The following TMEM263 variants were observed in gnomAD, a reference collection of about 807,000 sequenced individuals.
The protein encoded by TMEM263 is transmembrane protein 263.
TMEM263 carries 5 observed loss-of-function variants against 8.6 expected under a neutral mutation model. That is an observed-to-expected ratio of 0.58 (90% CI 0.31 to 1.23). The LOEUF (loss-of-function observed/expected upper bound fraction) is 1.23, where lower values mean the gene tolerates loss of function less well. TMEM263 is among the 50% of genes most tolerant of loss of function. The pLI is 0.07. For synonymous variants in TMEM263, 50 were observed against 47.9 expected (o/e 1.04, Z -0.18); for missense variants, 104 against 138.8 (o/e 0.75, Z 1.26).
intron 2 of TMEM263, among the ~76,000 whole-genome samples, chr12:106,962,189 T>C (rs1025638474): frequency 1.9e-4 from 29 of 152,306 alleles, no homozygotes; most frequent in African/African-American, 6.3e-4. Flanking sequence ...TGCATGTGTA[T>C]GTAAAATGTA....
At position 106,973,005 on chromosome 12, in the gene TMEM263, A is replaced by C. The variant is rs1475196159; in HGVS notation, c.*1614A>C. On this transcript the variant is annotated 3_prime_UTR_variant, in exon 4 of 4. Coordinates refer to ENST00000280756, the MANE Select transcript of TMEM263 (RefSeq NM_152261.4). ...TTATAAAATACTTGAGAATTACATT[A>C]ATGTGGAATCAACAGATGCAGAAGA... 1 of 152,034 alleles carries C rather than the reference A, an allele frequency of 6.6e-6. No individual in the cohort carries two copies. The highest frequency in any genetic ancestry group is 2.4e-5 in the African/African-American group (1 of 41,430). 9.4% of individuals were successfully genotyped at this position (152,034 alleles called of 1,614,324 possible).
intron 1 of TMEM263, 73 bp from the exon 2 acceptor site, chr12:106,957,009 C>A: frequency 1.1e-6 from 1 of 904,772 alleles, no homozygotes; most frequent in Non-Finnish European, 1.3e-6. Context: ...TTTTTGCGTC[C>A]TTGTGAACAC....
rs189113034 is a variant in TMEM263 at position 106,971,479 on chromosome 12, T to C, written c.*88T>C. 51 of 1,366,714 alleles carry C rather than the reference T, an allele frequency of 3.7e-5. No individual in the cohort carries two copies. The highest frequency in any genetic ancestry group is 4.9e-5 in the Non-Finnish European group (50 of 1,013,308). The allele number at this position is 1,366,714 out of a possible 1,614,324, so 84.7% of individuals were successfully genotyped here. On this transcript the variant is annotated 3_prime_UTR_variant, in exon 4 of 4. Transcript: ENST00000280756. ...ATGGACTACAACCAAGTCAACTGTT[T>C]TGGACGTTTATCTTCTAAACTGCTG...
chr12:106,957,150 G>A lies in TMEM263; in HGVS notation c.-7+1G>A. 2 of 985,364 alleles carry A rather than the reference G, an allele frequency of 2.0e-6. No homozygotes were observed. The highest frequency in any genetic ancestry group is 2.4e-6 in the Non-Finnish European group (2 of 830,296). 61.0% of individuals were successfully genotyped at this position (985,364 alleles called of 1,614,324 possible). ...AGGAATATCGATACAACACCAACAG[G>A]TAAACGCGCGCGCCCGTGTGTGTGT... is the stretch of plus-strand genomic sequence containing the variant. On this transcript the variant is annotated splice_donor_variant, in intron 2 of 3. Transcript: ENST00000280756. LOFTEE classifies it low-confidence loss of function (5UTR_SPLICE).
In TMEM263 at chr12:106,957,070, G is replaced by C; in HGVS notation, c.-74-12G>C. ...TGCTATATGTGATTATTTGCTGTATGCTATTGTTTAGCCTTTGAAACTTCT... is the reference window on the plus strand; with the variant it reads ...TGCTATATGTGATTATTTGCTGTATCCTATTGTTTAGCCTTTGAAACTTCT... On this transcript the variant is annotated splice_polypyrimidine_tract_variant and intron_variant, in intron 1 of 3. Transcript: ENST00000280756. The C allele has an allele frequency of 1.0e-6, 1 of 984,816 alleles. No homozygotes were observed. The highest frequency in any genetic ancestry group is 1.2e-6 in the Non-Finnish European group (1 of 829,424). 61.0% of individuals were successfully genotyped at this position (984,816 alleles called of 1,614,324 possible). A position where few individuals can be genotyped will look rare whatever the true frequency, so the allele number is the denominator to read the frequency against.
In TMEM263 at chr12:106,957,165, CGTGTGTGTGTGTGTGTGTGTGTGTGTGT is replaced by C. The variant is rs55948879; in HGVS notation, c.-7+35_-7+62del. 8 of 849,772 alleles carry C rather than the reference CGTGTGTGTGTGTGTGTGTGTGTGTGTGT, an allele frequency of 9.4e-6. No homozygotes were observed. The highest frequency in any genetic ancestry group is 1.1e-4 in the South Asian group (2 of 18,834). 52.6% of individuals were successfully genotyped at this position (849,772 alleles called of 1,614,324 possible). On this transcript the variant is annotated intron_variant, in intron 2 of 3. Transcript: ENST00000280756. Reference sequence around the variant, plus strand: ...ACACCAACAGGTAAACGCGCGCGCCCGTGTGTGTGTGTGTGTGTGTGTGTGTGTGTGTGTGTGTGTGTGTGTATGTGTG... The same window carrying C: ...ACACCAACAGGTAAACGCGCGCGCCCGTGTGTGTGTGTGTGTGTATGTGTG...
chr12:106,969,437 G>A (rs969099270), intron 3 of TMEM263, among the ~76,000 whole-genome samples: 4 of 152,068 alleles, frequency 2.6e-5, no homozygotes, highest in Middle Eastern at 3.2e-3. Flanking sequence ...TAAATTATTA[G>A]GTTACTAGGC....
chr12:106,968,620 T>C (rs1281627307), intron 3 of TMEM263, among the ~76,000 whole-genome samples: 1 of 152,218 alleles, frequency 6.6e-6, no homozygotes, highest in Non-Finnish European at 1.5e-5. Flanking sequence ...AGAATGTCTT[T>C]CTATGCCAAC....
intron 3 of TMEM263, among the ~76,000 whole-genome samples, chr12:106,969,775 C>T (rs1350480811): frequency 6.6e-6 from 1 of 150,916 alleles, no homozygotes; most frequent in East Asian, 1.9e-4. Flanking sequence ...GACCTGTGTT[C>T]ACTGTGTTCA....
At position 106,972,917 on chromosome 12, in the gene TMEM263, T is replaced by A. The variant is rs1029292891; in HGVS notation, c.*1526T>A. Reference sequence around the variant, plus strand: ...AGGAAAGGGGGGTGATACCTTGCAGTAAGTAAGTCGAAATAGCATGCCTGA... The same window carrying A: ...AGGAAAGGGGGGTGATACCTTGCAGAAAGTAAGTCGAAATAGCATGCCTGA... On this transcript the variant is annotated 3_prime_UTR_variant, in exon 4 of 4. Coordinates refer to ENST00000280756, the MANE Select transcript of TMEM263 (RefSeq NM_152261.4). The A allele has an allele frequency of 6.6e-6, 1 of 150,386 alleles. No homozygotes were observed. Among genetic ancestry groups the A allele is most frequent in the Non-Finnish European group, 1.5e-5 (1 of 67,730 alleles). 9.3% of individuals were successfully genotyped at this position (150,386 alleles called of 1,614,324 possible).
rs1424909070 is a variant in TMEM263 at position 106,972,876 on chromosome 12, TTTTA to T, written c.*1487_*1490del. ...TTCTGCCACCTTTTTTTTTTTTTTT[TTTTA>T]TAGTGGAGGGGAGGAAAGGGGGGTG... On this transcript the variant is annotated 3_prime_UTR_variant, in exon 4 of 4. Coordinates refer to ENST00000280756, the MANE Select transcript of TMEM263 (RefSeq NM_152261.4). 3.3e-5 allele frequency: 5 copies of T among 150,310 alleles called. No homozygotes were observed. The East Asian group carries it at 9.6e-4, about 29-fold the overall frequency. The allele number at this position is 150,310 out of a possible 1,614,324, so 9.3% of individuals were successfully genotyped here.
At chr12:106,962,128 A>G (rs1951784690) in intron 2 of TMEM263, among the ~76,000 whole-genome samples, 1 of 152,230 alleles carries the variant, frequency 6.6e-6, no homozygotes, top group African/African-American at 2.4e-5. Context: ...AATACTATAT[A>G]CAAATACTAT....
intron 2 of TMEM263, among the ~76,000 whole-genome samples, chr12:106,966,237 G>C (rs1050564622): frequency 6.6e-6 from 1 of 152,162 alleles, no homozygotes; most frequent in African/African-American, 2.4e-5. Flanking sequence ...AGAAAATGCG[G>C]TATTTGGTTT....
In TMEM263 at chr12:106,956,109, C is replaced by T. The variant is rs375200031; in HGVS notation, c.-75+44C>T. ...GAGGGCAGGGGCGCAGTCCCGGCTT[C>T]CTGCCCTCCTCCGTCGCCCTCTGCC... On this transcript the variant is annotated intron_variant, in intron 1 of 3. Transcript: ENST00000280756. The T allele has an allele frequency of 4.1e-5, 38 of 937,836 alleles. No homozygotes were observed. In the East Asian group the frequency reaches 7.0e-4, roughly 17 times the overall value. 58.1% of individuals were successfully genotyped at this position (937,836 alleles called of 1,614,324 possible).
chr12:106,956,158 C>T (rs2136750915), intron 1 of TMEM263, 93 bp downstream of exon 1: 1 of 634,010 alleles, frequency 1.6e-6, no homozygotes, highest in Non-Finnish European at 2.0e-6. Flanking sequence ...CCCCTCACCT[C>T]CCAGTGCCCG....
At chr12:106,960,201 A>C (rs542077092) in intron 2 of TMEM263, among the ~76,000 whole-genome samples, 1 of 152,022 alleles carries the variant, frequency 6.6e-6, no homozygotes, top group South Asian at 2.1e-4. Flanking sequence ...TGCCCGGCTA[A>C]TTTTTGTATT....
chr12:106,972,676 C>T lies in TMEM263; in HGVS notation c.*1285C>T, dbSNP rs919215163. ...TATCTTATTAATATGTCTCATGTCT[C>T]GTTCCTTCTTAATATGATTTAGCTG... On this transcript the variant is annotated 3_prime_UTR_variant, in exon 4 of 4. Transcript: ENST00000280756. 6.6e-5 allele frequency: 10 copies of T among 152,016 alleles called. No individual in the cohort carries two copies. The highest frequency in any genetic ancestry group is 1.9e-4 in the African/African-American group (8 of 41,388). 9.4% of individuals were successfully genotyped at this position (152,016 alleles called of 1,614,324 possible).
Position 106,972,049 on chromosome 12 carries a change from T to C in TMEM263, c.*658T>C, listed in dbSNP as rs1022301012. Reference sequence around the variant, plus strand: ...TATGTGCTGTTCTTAGAATCATCTATGGATTCTTTTAAAGGTTGTTTGTGA... The same window carrying C: ...TATGTGCTGTTCTTAGAATCATCTACGGATTCTTTTAAAGGTTGTTTGTGA... On this transcript the variant is annotated 3_prime_UTR_variant, in exon 4 of 4. Transcript: ENST00000280756. The C allele has an allele frequency of 3.3e-5, 5 of 152,694 alleles. No individual in the cohort carries two copies. Among genetic ancestry groups the C allele is most frequent in the Non-Finnish European group, 1.5e-5 (1 of 68,042 alleles). 9.5% of individuals were successfully genotyped at this position (152,694 alleles called of 1,614,324 possible).
In TMEM263 at chr12:106,967,093, T is replaced by C. The variant is rs200344809; in HGVS notation, c.-6-18T>C. The C allele has an allele frequency of 1.3e-6, 2 of 1,524,402 alleles. No individual in the cohort carries two copies. The highest frequency in any genetic ancestry group is 2.3e-5 in the East Asian group (1 of 44,122). The allele number at this position is 1,524,402 out of a possible 1,614,324, so 94.4% of individuals were successfully genotyped here. On this transcript the variant is annotated intron_variant, in intron 2 of 3. Coordinates refer to ENST00000280756, the MANE Select transcript of TMEM263 (RefSeq NM_152261.4). The stretch of plus-strand genomic sequence containing the variant: ...TGTTGAGGTTAAAATGAAATGTGTT[T>C]GTATGTTTTTTTTTTAGGAGATCAT...
Sources: gnomAD v4.1 joint callset for allele counts (sites outside exome capture counted in the v4.1 genomes callset) on GRCh38, gnomAD v4.1.1 for gene constraint, MANE v1.5 for transcripts, NCBI Gene and HGNC (gene_info 2026-07-23, HGNC 2026-07-21) for gene names.